The following TMEM163 variants were observed in gnomAD, a reference collection of about 807,000 sequenced individuals.
TMEM163 encodes transmembrane protein 163.
Under a neutral mutation model 29.3 loss-of-function variants are expected in TMEM163, and 17 were observed. The ratio of observed to expected loss-of-function variants is 0.58; its 90% CI spans 0.40 to 0.87. The LOEUF (loss-of-function observed/expected upper bound fraction) is 0.87, where lower values mean the gene tolerates loss of function less well. Ranked by LOEUF, TMEM163 falls within the 40% of genes least tolerant of loss-of-function variation. The pLI, the probability that TMEM163 is intolerant of heterozygous loss-of-function variation, is 0.00. For synonymous variants in TMEM163, 157 were observed against 160.6 expected, an observed-to-expected ratio of 0.98 and a Z score of 0.17; for missense variants, 303 against 381.5, an observed-to-expected ratio of 0.79 and a Z score of 1.71.
chr2:134,462,217 A>T lies in TMEM163; in HGVS notation c.667+3897T>A, dbSNP rs1042406017. On this transcript the variant is annotated intron_variant, in intron 6 of 7. Transcript: ENST00000281924. The stretch of plus-strand genomic sequence containing the variant: ...GATTCATCCCCACGCTGACCATTCT[A>T]TACCTACCCTACCACTTCCCATACC... Among the ~76,000 whole-genome samples the T allele has an allele frequency of 8.6e-5, 13 of 151,790 alleles. No individual in the cohort carries two copies. The East Asian group carries it at 2.3e-3, about 27-fold the overall frequency.
chr2:134,501,066 G>T (rs1679686484), intron 5 of TMEM163, among the ~76,000 whole-genome samples: 1 of 151,950 alleles, frequency 6.6e-6, no homozygotes, highest in Non-Finnish European at 1.5e-5. Flanking sequence ...CCCTAATCTG[G>T]TCACTATACA....
intron 2 of TMEM163, among the ~76,000 whole-genome samples, chr2:134,587,367 C>T (rs773340769): frequency 1.1e-4 from 17 of 152,088 alleles, no homozygotes; most frequent in African/African-American, 3.6e-4. Context: ...AGCCAAAATA[C>T]GCCATTGCAC....
At chr2:134,660,942 G>T (rs1284738711) in intron 2 of TMEM163, among the ~76,000 whole-genome samples, 1 of 152,226 alleles carries the variant, frequency 6.6e-6, no homozygotes, top group Non-Finnish European at 1.5e-5. Flanking sequence ...TTGAAGACTT[G>T]ATCTCCAATG....
intron 2 of TMEM163, among the ~76,000 whole-genome samples, chr2:134,663,655 C>T (rs1369203051): frequency 6.6e-6 from 1 of 152,222 alleles, no homozygotes; most frequent in Non-Finnish European, 1.5e-5. Context: ...AGATGCTCTG[C>T]AAGCATCCTC....
chr2:134,633,731 G>T (rs1321105594), intron 2 of TMEM163, among the ~76,000 whole-genome samples: 1 of 151,970 alleles, frequency 6.6e-6, no homozygotes, highest in Admixed American at 6.6e-5. Context: ...GGAGGCCGAG[G>T]CAGGTGGATC....
intron 4 of TMEM163, among the ~76,000 whole-genome samples, chr2:134,526,103 A>G (rs1281394860): frequency 6.6e-6 from 1 of 152,246 alleles, no homozygotes; most frequent in African/African-American, 2.4e-5. Context: ...GCTGGGCACT[A>G]GACCTTTCAG....
chr2:134,643,787 T>C (rs1558975358), intron 2 of TMEM163, among the ~76,000 whole-genome samples: 1 of 151,618 alleles, frequency 6.6e-6, no homozygotes, highest in Non-Finnish European at 1.5e-5. Flanking sequence ...TAAGAAGAAA[T>C]AAAAGGCATA....
Position 134,710,724 on chromosome 2 carries a change from C to T in TMEM163, c.322+2476G>A, listed in dbSNP as rs542396682. Among the ~76,000 whole-genome samples, 4 of 152,038 alleles carry T rather than the reference C, an allele frequency of 2.6e-5. 1 individual carries two copies. The South Asian group carries it at 8.3e-4, about 32-fold the overall frequency. On this transcript the variant is annotated intron_variant, in intron 2 of 7. Coordinates refer to ENST00000281924, the MANE Select transcript of TMEM163 (RefSeq NM_030923.5). Reference sequence around the variant, plus strand: ...ATTCCATGCAAGGATGGATGCTCTTCCTGCCCCAAATTTTTCACCATCCAA... The same window carrying T: ...ATTCCATGCAAGGATGGATGCTCTTTCTGCCCCAAATTTTTCACCATCCAA...
intron 2 of TMEM163, among the ~76,000 whole-genome samples, chr2:134,674,600 C>T (rs139682111): frequency 0.017 from 2,587 of 151,784 alleles, 73 homozygotes; most frequent in African/African-American, 0.058. Context: ...CTTCGTGATC[C>T]GCCCCCGTCG....
At chr2:134,542,447 G>T (rs1477940542) in intron 4 of TMEM163, among the ~76,000 whole-genome samples, 3 of 152,162 alleles carry the variant, frequency 2.0e-5, no homozygotes, top group Non-Finnish European at 2.9e-5. Context: ...AAACCAAGTG[G>T]CTTAAACCAG....
At chr2:134,517,102 T>C (rs1418123994) in intron 4 of TMEM163, among the ~76,000 whole-genome samples, 2 of 141,158 alleles carry the variant, frequency 1.4e-5, no homozygotes, top group Non-Finnish European at 3.1e-5. Flanking sequence ...TGTGGCATCA[T>C]CTTCCATCAT....
At chr2:134,701,029 G>A (rs1383651099) in intron 2 of TMEM163, among the ~76,000 whole-genome samples, 1 of 151,656 alleles carries the variant, frequency 6.6e-6, no homozygotes, top group Non-Finnish European at 1.5e-5. Flanking sequence ...GAATGCAGAT[G>A]CATGGGGCAT....
At position 134,616,207 on chromosome 2, in the gene TMEM163, T is replaced by G. The variant is rs192138499; in HGVS notation, c.323-64116A>C. Among the ~76,000 whole-genome samples the G allele has an allele frequency of 2.1e-3, 321 of 152,300 alleles. 1 individual carries two copies. Among genetic ancestry groups the G allele is most frequent in the African/African-American group, 7.0e-3 (293 of 41,568 alleles). ...ACTGACTTTCTGGAGGGCCAAAGAATGACAACATCTGCTTATTATGAGAGC... is the reference window on the plus strand; with the variant it reads ...ACTGACTTTCTGGAGGGCCAAAGAAGGACAACATCTGCTTATTATGAGAGC... On this transcript the variant is annotated intron_variant, in intron 2 of 7. Coordinates refer to ENST00000281924, the MANE Select transcript of TMEM163 (RefSeq NM_030923.5).
chr2:134,639,624 T>C (rs1377681532), intron 2 of TMEM163, among the ~76,000 whole-genome samples: 1 of 152,180 alleles, frequency 6.6e-6, no homozygotes, highest in Non-Finnish European at 1.5e-5. Flanking sequence ...TGTAACCTTA[T>C]CCATGGAGGA....
intron 4 of TMEM163, among the ~76,000 whole-genome samples, chr2:134,534,616 G>A (rs931039562): frequency 6.6e-6 from 1 of 151,952 alleles, no homozygotes; most frequent in African/African-American, 2.4e-5. Context: ...TAGCCAGGTG[G>A]GGTGGCGCAC....
chr2:134,698,309 T>C (rs183834685), intron 2 of TMEM163, among the ~76,000 whole-genome samples: 13 of 152,376 alleles, frequency 8.5e-5, no homozygotes. Context: ...AAACCATTCA[T>C]GGCAAGTTAT....
chr2:134,495,115 G>C (rs576088731), intron 5 of TMEM163, among the ~76,000 whole-genome samples: 3 of 152,238 alleles, frequency 2.0e-5, no homozygotes, highest in African/African-American at 7.2e-5. Context: ...GGGAGGCAAA[G>C]GAAAGGATGA....
At chr2:134,488,652 C>T (rs1041711396) in intron 5 of TMEM163, among the ~76,000 whole-genome samples, 2 of 152,190 alleles carry the variant, frequency 1.3e-5, no homozygotes, top group Non-Finnish European at 2.9e-5. Context: ...TGAGTCAATA[C>T]TCCTTAACAG....
intron 2 of TMEM163, among the ~76,000 whole-genome samples, chr2:134,680,837 G>A (rs1046176107): frequency 1.3e-5 from 2 of 152,134 alleles, no homozygotes; most frequent in African/African-American, 2.4e-5. Context: ...TGTGATCGTG[G>A]GCAAGTTACT....
Sources: gnomAD v4.1 joint callset for allele counts (sites outside exome capture counted in the v4.1 genomes callset) on GRCh38, gnomAD v4.1.1 for gene constraint, MANE v1.5 for transcripts, NCBI Gene and HGNC (gene_info 2026-07-23, HGNC 2026-07-21) for gene names.